The following OOEP variants were observed in gnomAD, a reference collection of about 807,000 sequenced individuals.
OOEP encodes oocyte expressed protein.
OOEP carries 16 observed loss-of-function variants against 13.7 expected under a neutral mutation model. The observed-to-expected ratio is 1.16, with a 90% CI of 0.79 to 1.77. The LOEUF is 1.77. Ranked by LOEUF, OOEP falls within the 40% of genes most tolerant of loss-of-function variation. The probability of loss-of-function intolerance (pLI) is 0.00; values close to 1 mark genes in which losing one functional copy is unlikely to be tolerated. For missense variants in OOEP, 195 were observed against 193.1 expected (o/e 1.01, Z -0.06); for synonymous variants, 89 against 77.1 (o/e 1.15, Z -0.81).
chr6:73,388,003 G>A (rs1582630058), intron 2 of OOEP, among the ~76,000 whole-genome samples: 1 of 152,062 alleles, frequency 6.6e-6, no homozygotes. Context: ...TCAGCCATCC[G>A]ATTACCTGGG....
exon 1 of OOEP, chr6:73,394,774 G>GA: frequency 7.5e-7 from 1 of 1,338,906 alleles, no homozygotes; most frequent in Non-Finnish European, 1.0e-6. Context: ...AGCGTGGGCG[G>GA]GGGGGCTAGC....
At chr6:73,380,707 GTTGTTTT>G (rs545948775) in intron 2 of OOEP, among the ~76,000 whole-genome samples, 137 of 152,208 alleles carry the variant, frequency 9.0e-4, no homozygotes, top group African/African-American at 3.1e-3. Context: ...TAAACTTTGA[GTTGTTTT>G]TTGTTTTTAA....
upstream of OOEP, among the ~76,000 whole-genome samples, chr6:73,373,870 T>TG (rs1355801274): frequency 3.9e-5 from 6 of 152,148 alleles, no homozygotes; most frequent in Non-Finnish European, 4.4e-5. Flanking sequence ...ATTATAGCCT[T>TG]GAGCCACTGC....
chr6:73,371,772 TA>T (rs1176902558), upstream of OOEP, among the ~76,000 whole-genome samples: 7 of 147,004 alleles, frequency 4.8e-5, no homozygotes, highest in Admixed American at 1.4e-4. Flanking sequence ...AAAATAAAAA[TA>T]AAAAAATTTG....
intron 2 of OOEP, 149 bp downstream of exon 2, chr6:73,369,057 C>T (rs574069242): frequency 1.3e-5 from 11 of 863,318 alleles, no homozygotes; most frequent in Non-Finnish European, 2.0e-5. Context: ...ACCCCAGGAT[C>T]CCCTCCCAAC....
rs1769010052 is a variant in OOEP, at chr6:73,369,493, T to C, written c.191-108A>G. 2.7e-6 allele frequency: 4 copies of C among 1,493,350 alleles called. No individual in the cohort carries two copies. In the East Asian group the frequency reaches 6.8e-5, roughly 25 times the overall value. 92.5% of individuals were successfully genotyped at this position (1,493,350 alleles called of 1,614,324 possible). On this transcript the variant is annotated intron_variant, in intron 1 of 2. Transcript: ENST00000370359. ...GGAAGAACTGGAAGGTGGGCATCACTGCAACACTCCTGGCTTGCGAATCTG... is the reference window on the plus strand; with the variant it reads ...GGAAGAACTGGAAGGTGGGCATCACCGCAACACTCCTGGCTTGCGAATCTG...
upstream of OOEP, among the ~76,000 whole-genome samples, chr6:73,370,425 A>G (rs1173873371): frequency 1.3e-5 from 2 of 151,932 alleles, no homozygotes. Flanking sequence ...TCCTAAGACA[A>G]CCATTATCGA....
chr6:73,372,908 CTTTTTTT>C (rs371058661), upstream of OOEP, among the ~76,000 whole-genome samples: 2 of 134,520 alleles, frequency 1.5e-5, no homozygotes, highest in African/African-American at 5.4e-5. Flanking sequence ...TTTTTCTTTC[CTTTTTTT>C]TTTTTTTTTT....
chr6:73,369,412 G>C (rs778200050), intron 1 of OOEP, 27 bp from the exon 2 acceptor site: 1 of 1,595,638 alleles, frequency 6.3e-7, no homozygotes, highest in Non-Finnish European at 8.5e-7. Flanking sequence ...AAACTCTGAG[G>C]GGCTGCACGG....
chr6:73,376,761 C>A (rs568501682), intron 2 of OOEP, among the ~76,000 whole-genome samples: 1 of 152,196 alleles, frequency 6.6e-6, no homozygotes, highest in Non-Finnish European at 1.5e-5. Flanking sequence ...AAGCGATTCT[C>A]CTGCCTCAGC....
chr6:73,393,852 G>T (rs1482381647), intron 2 of OOEP, among the ~76,000 whole-genome samples: 1 of 152,186 alleles, frequency 6.6e-6, no homozygotes, highest in Non-Finnish European at 1.5e-5. Context: ...CAAACATCCA[G>T]AAGACTGTGT....
At chr6:73,369,462 G>T in intron 1 of OOEP, 77 bp from the exon 2 acceptor site, 1 of 1,528,670 alleles carries the variant, frequency 6.5e-7, no homozygotes, top group Admixed American at 1.8e-5. Flanking sequence ...ATGTTGGCCA[G>T]GGAAGGGAAG....
At chr6:73,392,350 C>T (rs1769358636) in intron 2 of OOEP, among the ~76,000 whole-genome samples, 1 of 152,160 alleles carries the variant, frequency 6.6e-6, no homozygotes, top group South Asian at 2.1e-4. Context: ...GTTGCCCAGG[C>T]TGGAGTGCAA....
intron 2 of OOEP, among the ~76,000 whole-genome samples, chr6:73,383,241 G>A (rs1303748634): frequency 6.6e-6 from 1 of 152,200 alleles, no homozygotes; most frequent in Non-Finnish European, 1.5e-5. Flanking sequence ...CTAGTTTCTT[G>A]ATCAAGTAGT....
chr6:73,392,369 TC>T (rs1400286861), intron 2 of OOEP, among the ~76,000 whole-genome samples: 1 of 152,180 alleles, frequency 6.6e-6, no homozygotes, highest in African/African-American at 2.4e-5. Flanking sequence ...AATGGCGCAA[TC>T]TTGGCTCACT....
rs193143871 is a variant in OOEP at position 73,382,460 on chromosome 6, C to T, written c.25+11886G>A. Among the ~76,000 whole-genome samples the T allele has an allele frequency of 5.7e-3, 862 of 151,978 alleles. 12 individuals are homozygous for T. Among genetic ancestry groups the T allele is most frequent in the African/African-American group, 0.018 (753 of 41,432 alleles). ...CTCGAACTCCTGACCTCGTGATCCA[C>T]CTGCCTCAGCCTCCCAAAGTGCTGG... On this transcript the variant is annotated intron_variant, in intron 2 of 3. Coordinates refer to the OOEP transcript ENST00000370363.
chr6:73,371,430 C>T (rs1055594867), upstream of OOEP, among the ~76,000 whole-genome samples: 1 of 150,606 alleles, frequency 6.6e-6, no homozygotes, highest in Non-Finnish European at 1.5e-5. Flanking sequence ...TGGAGAAAAC[C>T]GGTCTCTACT....
chr6:73,388,646 C>T (rs1270200462), intron 2 of OOEP, among the ~76,000 whole-genome samples: 1 of 152,232 alleles, frequency 6.6e-6, no homozygotes, highest in Non-Finnish European at 1.5e-5. Flanking sequence ...ATCACCTCCA[C>T]TTGGGTTCCC....
upstream of OOEP, among the ~76,000 whole-genome samples, chr6:73,370,961 T>TTTG (rs954903376): frequency 4.6e-5 from 7 of 151,934 alleles, no homozygotes; most frequent in Non-Finnish European, 8.8e-5. Flanking sequence ...TCCAGCTCTT[T>TTTG]TTGTTGTTGT....
Sources: gnomAD v4.1 joint callset for allele counts (sites outside exome capture counted in the v4.1 genomes callset) on GRCh38, gnomAD v4.1.1 for gene constraint, MANE v1.5 for transcripts, NCBI Gene and HGNC (gene_info 2026-07-23, HGNC 2026-07-21) for gene names.